Variants in PCDHGA4 observed in about 807,000 individuals in gnomAD.
The protein encoded by PCDHGA4 is protocadherin gamma subfamily A, 4.
A neutral mutation model predicts 54.6 loss-of-function variants in PCDHGA4; 38 were observed. That is an observed-to-expected ratio of 0.70 (90% CI 0.54 to 0.91). The LOEUF is 0.91. Ranked by LOEUF, PCDHGA4 falls within the 40% of genes least tolerant of loss-of-function variation. PCDHGA4 has a pLI of 0.00. For synonymous variants in PCDHGA4, 511 were observed against 512.9 expected (o/e 1.00, Z 0.05); for missense variants, 1,298 against 1,220.9 (o/e 1.06, Z -0.94).
At chr5:141,421,080 C>CA (rs2096545590) in intron 1 of PCDHGA4, 1 of 638,250 alleles carries the variant, frequency 1.6e-6, no homozygotes, top group East Asian at 2.9e-5. Context: ...GATGGATACT[C>CA]ACAGATCCTG....
At chr5:141,393,442 T>G (rs932289283) in intron 1 of PCDHGA4, 3 of 1,614,056 alleles carry the variant, frequency 1.9e-6, no homozygotes, top group Non-Finnish European at 2.5e-6. Context: ...GCTCACCACC[T>G]GGTCCTCACG....
chr5:141,385,604 C>T, intron 1 of PCDHGA4: 1 of 1,188,174 alleles, frequency 8.4e-7, no homozygotes, highest in Non-Finnish European at 1.1e-6. Flanking sequence ...TTTCTTAACT[C>T]ATATATTTTA....
chr5:141,482,767 A>AGCTAGTACTATAATTATTTTTATTAGTTC (rs1370824281), intron 1 of PCDHGA4, among the ~76,000 whole-genome samples: 2 of 150,588 alleles, frequency 1.3e-5, no homozygotes, highest in African/African-American at 2.5e-5. Context: ...TTTCATTATC[A>AGCTAGTACTATAATTATTTTTATTAGTTC]CTGAACCTTA....
rs750139205 is a variant in PCDHGA4 at position 141,489,738 on chromosome 5, T to C, written c.2515-5069T>C. Reference sequence around the variant, plus strand: ...AGGATCCGGATGTGGGCACCAATACTGTGAGCTTTTACACTCTAAGCCCCA... The same window carrying C: ...AGGATCCGGATGTGGGCACCAATACCGTGAGCTTTTACACTCTAAGCCCCA... On this transcript the variant is annotated intron_variant, in intron 1 of 3. Coordinates refer to ENST00000571252, the MANE Select transcript of PCDHGA4 (RefSeq NM_018917.4). This position sits in a 1 kb window ranked among gnomAD's most constrained non-coding sequence, Gnocchi z 4.5. 1 of 1,614,168 alleles carries C rather than the reference T, an allele frequency of 6.2e-7. No individual in the cohort carries two copies. Among genetic ancestry groups the C allele is most frequent in the Non-Finnish European group, 8.5e-7 (1 of 1,180,030 alleles).
intron 1 of PCDHGA4, chr5:141,364,724 C>A (rs772314048): frequency 6.2e-7 from 1 of 1,613,892 alleles, no homozygotes. Context: ...TAACTTCCCG[C>A]GTTTCCGGGA....
chr5:141,483,436 C>T, intron 1 of PCDHGA4, among the ~76,000 whole-genome samples: 1 of 152,198 alleles, frequency 6.6e-6, no homozygotes, highest in Non-Finnish European at 1.5e-5. Context: ...GAGCTGACTA[C>T]AATAAAATCA....
At chr5:141,498,958 A>T (rs1200201746) in intron 2 of PCDHGA4, among the ~76,000 whole-genome samples, 2 of 123,248 alleles carry the variant, frequency 1.6e-5, no homozygotes, top group Admixed American at 1.8e-4. Flanking sequence ...AAAGAGAGAG[A>T]GGGAGGGAGG....
intron 1 of PCDHGA4, among the ~76,000 whole-genome samples, chr5:141,387,464 C>T (rs2240699): frequency 0.55 from 83,096 of 152,122 alleles, 25,275 homozygotes; most frequent in African/African-American, 0.83. Context: ...CCTAAAAATC[C>T]TCAAAGTTGG....
In PCDHGA4 at chr5:141,419,578, G is replaced by A. The variant is rs1339676992; in HGVS notation, c.2514+61957G>A. The A allele has an allele frequency of 1.9e-6, 3 of 1,611,604 alleles. No individual in the cohort carries two copies. In the Admixed American group the frequency reaches 5.0e-5, roughly 27 times the overall value. On this transcript the variant is annotated intron_variant, in intron 1 of 3. Transcript: ENST00000571252. ...CTGCGCTGGGTCCCGACGGCTCCGC[G>A]CTCTTCGACACAGTGCCGCGGGCCG...
chr5:141,357,388 A>C lies in PCDHGA4; in HGVS notation c.2281A>C (p.Ser761Arg), dbSNP rs762308413. The C allele has an allele frequency of 1.2e-6, 2 of 1,614,224 alleles. No homozygotes were observed. The highest frequency in any genetic ancestry group is 1.7e-6 in the Non-Finnish European group (2 of 1,180,024). ...GTCACGCCTGCTTCACGCTGAAGGC[A>C]GCAGGTTGGCAGGTGTGCCTGCCTC... The part of the protein sequence containing the change: ...HKSRLLHAEG[S>R]RLAGVPASHF... Residue 761 changes from serine to arginine, a missense_variant, in exon 1 of 4, where the codon AGC (serine) becomes CGC (arginine). Coordinates refer to ENST00000571252, the MANE Select transcript of PCDHGA4 (RefSeq NM_018917.4).
Position 141,491,417 on chromosome 5 carries a change from G to A in PCDHGA4, c.2515-3390G>A, listed in dbSNP as rs200843744. 5 of 1,613,988 alleles carry A rather than the reference G, an allele frequency of 3.1e-6. No homozygotes were observed. The highest frequency in any genetic ancestry group is 1.1e-5 in the South Asian group (1 of 91,092). Reference sequence around the variant, plus strand: ...CAGGGAAACGCAGACGGGGACGGGGGTGGAGGGCAGTGCTGCAGGCGCCAG... The same window carrying A: ...CAGGGAAACGCAGACGGGGACGGGGATGGAGGGCAGTGCTGCAGGCGCCAG... On this transcript the variant is annotated intron_variant, in intron 1 of 3. Transcript: ENST00000571252. The surrounding 1 kb of genome is among the most constrained non-coding windows in gnomAD (Gnocchi z 6.9).
At chr5:141,427,188 A>G (rs1346514063) in intron 1 of PCDHGA4, 1 of 456,744 alleles carries the variant, frequency 2.2e-6, no homozygotes, top group Admixed American at 2.3e-5. Flanking sequence ...AATTAAATCC[A>G]AAGACTTAAT....
At chr5:141,500,723 G>A (rs6875791) in intron 2 of PCDHGA4, among the ~76,000 whole-genome samples, 4,890 of 152,100 alleles carry the variant, frequency 0.032, 255 homozygotes, top group African/African-American at 0.11. Flanking sequence ...ATTTCCCCAT[G>A]TCTTTCAAAA....
chr5:141,360,563 G>A (rs1194971714), intron 1 of PCDHGA4: 1 of 1,613,864 alleles, frequency 6.2e-7, no homozygotes, highest in Non-Finnish European at 8.5e-7. Context: ...TTAAAAATTG[G>A]CGAATCCACT....
At position 141,356,098 on chromosome 5, in the gene PCDHGA4, G is replaced by A. The variant is rs762147149; in HGVS notation, c.991G>A (p.Asp331Asn). 1.9e-6 allele frequency: 3 copies of A among 1,613,902 alleles called. No homozygotes were observed. The highest frequency in any genetic ancestry group is 1.7e-5 in the Admixed American group (1 of 60,024). ...ATTTCAGTTGAATTCTCTGAGTGGG[G>A]ATATAACAATATTGGGGGGTCTAGA... Reference protein sequence around the residue: ...QLFQLNSLSGDITILGGLDYE... With the variant: ...QLFQLNSLSGNITILGGLDYE... The change falls in exon 1 of 4, where the codon GAT (aspartate) becomes AAT (asparagine). Residue 331 changes from aspartate to asparagine, a missense_variant. By Grantham distance (23) the Asp-to-Asn change is conservative (BLOSUM62 1). Transcript: ENST00000571252.
At chr5:141,464,923 A>G (rs544281066) in intron 1 of PCDHGA4, among the ~76,000 whole-genome samples, 3 of 151,406 alleles carry the variant, frequency 2.0e-5, no homozygotes, top group Non-Finnish European at 4.4e-5. Flanking sequence ...ATTTTTTTGT[A>G]GAGATGTGAG....
At position 141,378,204 on chromosome 5, in the gene PCDHGA4, T is replaced by C. The variant is rs1335712124; in HGVS notation, c.2514+20583T>C. On this transcript the variant is annotated intron_variant, in intron 1 of 3. Coordinates refer to ENST00000571252, the MANE Select transcript of PCDHGA4 (RefSeq NM_018917.4). ...TGCTGTGTGCCTACTACAGTGTCTT[T>C]TGCATACTGTGTGCCTGATAGTATT... The C allele has an allele frequency of 1.4e-4, 22 of 152,240 alleles. 1 individual carries two copies. Among genetic ancestry groups the C allele is most frequent in the Admixed American group, 1.4e-3 (22 of 15,288 alleles). The allele number at this position is 152,240 out of a possible 1,614,324, so 9.4% of individuals were successfully genotyped here.
intron 1 of PCDHGA4, chr5:141,414,130 T>C (rs761622500): frequency 6.3e-7 from 1 of 1,594,602 alleles, no homozygotes; most frequent in South Asian, 1.1e-5. Context: ...AACCGGTTTC[T>C]ATGAAATAGA....
At chr5:141,441,981 C>A in intron 1 of PCDHGA4, 1 of 278,140 alleles carries the variant, frequency 3.6e-6, no homozygotes, top group South Asian at 3.6e-5. Context: ...GCCTGGAATG[C>A]GCACCGACGA....
Sources: gnomAD v4.1 joint callset for allele counts (sites outside exome capture counted in the v4.1 genomes callset) on GRCh38, gnomAD v4.1.1 for gene constraint, Gnocchi (gnomAD v3.1) non-coding constraint, MANE v1.5 for transcripts, NCBI Gene and HGNC (gene_info 2026-07-23, HGNC 2026-07-21) for gene names.